Variants in ATP11A observed in about 807,000 individuals in gnomAD.
ATP11A encodes phospholipid-transporting ATPase IH.
ATP11A carries 81 observed loss-of-function variants against 154.4 expected under a neutral mutation model. The observed-to-expected ratio is 0.52, with a 90% CI of 0.44 to 0.63. The LOEUF (loss-of-function observed/expected upper bound fraction) is 0.63, where lower values mean the gene tolerates loss of function less well. ATP11A is among the 30% of genes least tolerant of loss of function. The pLI is 0.00. For missense variants in ATP11A, 1,316 were observed against 1,474.3 expected, an observed-to-expected ratio of 0.89 and a Z score of 1.76; for synonymous variants, 623 against 585.9, an observed-to-expected ratio of 1.06 and a Z score of -0.91.
At position 112,825,520 on chromosome 13, in the gene ATP11A, G is replaced by T; in HGVS notation, c.963G>T (p.Glu321Asp). The change falls in exon 11 of 30, where the codon GAG becomes GAT. Residue 321 changes from glutamate to aspartate, a missense_variant. Glu to Asp is a conservative substitution (Grantham distance 45, BLOSUM62 2). This residue lies in a region of ATP11A where 876 missense variants were observed against 1,006.8 expected (regional missense o/e 0.87). Transcript: ENST00000375645. ...NTVLKYMWQS[E>D]PFRDEPWYNQ... ...TGCTGAAATACATGTGGCAGAGTGA[G>T]CCCTTTCGGGATGAGCCGTGGTATA... The T allele has an allele frequency of 6.2e-7, 1 of 1,614,022 alleles. No individual in the cohort carries two copies. The highest frequency in any genetic ancestry group is 8.5e-7 in the Non-Finnish European group (1 of 1,179,896).
rs536515970 is a variant in ATP11A, at chr13:112,708,790, TC to T, written c.39+18336del. Among the ~76,000 whole-genome samples the T allele has an allele frequency of 1.3e-4, 20 of 152,306 alleles. 1 individual carries two copies. The South Asian group carries it at 4.1e-3, about 32-fold the overall frequency. On this transcript the variant is annotated intron_variant, in intron 1 of 29. Coordinates refer to ENST00000375645, the MANE Select transcript of ATP11A (RefSeq NM_015205.3). ...CTGCCCGACAAGCCTGTAGCTTTGGTCGTCTTCCAACGAGTGGCTCTCCCGC... is the reference window on the plus strand; with the variant it reads ...CTGCCCGACAAGCCTGTAGCTTTGGTGTCTTCCAACGAGTGGCTCTCCCGC...
intron 22 of ATP11A, chr13:112,858,544 C>T (rs918955537): frequency 5.1e-6 from 2 of 393,496 alleles, no homozygotes; most frequent in Non-Finnish European, 9.2e-6. Context: ...TAAACAGTTC[C>T]TCAGGTTTAA....
At chr13:112,858,334 ACG>A in intron 22 of ATP11A, 44 bp downstream of exon 22, 1 of 1,578,966 alleles carries the variant, frequency 6.3e-7, no homozygotes, top group Non-Finnish European at 8.6e-7. Flanking sequence ...GCAACAGGTC[ACG>A]CACAGGGTGG....
intron 17 of ATP11A, among the ~76,000 whole-genome samples, chr13:112,846,872 C>T (rs1246027571): frequency 1.3e-5 from 2 of 152,208 alleles, no homozygotes; most frequent in Admixed American, 1.3e-4. Context: ...GGGTGGTGCT[C>T]CCCAGACTGC....
At chr13:112,850,818 G>C (rs1049915522) in intron 17 of ATP11A, among the ~76,000 whole-genome samples, 30 of 152,104 alleles carry the variant, frequency 2.0e-4, no homozygotes, top group African/African-American at 6.8e-4. Flanking sequence ...ATTTAATGTA[G>C]ACTTAAATAA....
At position 112,859,312 on chromosome 13, in the gene ATP11A, T is replaced by C. The variant is rs986323535; in HGVS notation, c.2668-81T>C. The C allele has an allele frequency of 8.9e-7, 1 of 1,122,678 alleles. No homozygotes were observed. The highest frequency in any genetic ancestry group is 1.7e-5 in the Admixed American group (1 of 59,430). 69.5% of individuals were successfully genotyped at this position (1,122,678 alleles called of 1,614,324 possible). On this transcript the variant is annotated intron_variant, in intron 22 of 29. Transcript: ENST00000375645. This position sits in a 1 kb window ranked among gnomAD's most constrained non-coding sequence, Gnocchi z 4.3. ...GGGTGCACGTGGATCCCTCCTCCCA[T>C]GTGGGGTGGGCCACGTCGGTAGGTG...
At chr13:112,728,719 G>A (rs770711254) in intron 1 of ATP11A, among the ~76,000 whole-genome samples, 8 of 152,090 alleles carry the variant, frequency 5.3e-5, no homozygotes, top group Non-Finnish European at 8.8e-5. Flanking sequence ...TGCATGTACC[G>A]CCTTATTAGT....
At chr13:112,877,835 C>G (rs1202775226) in intron 28 of ATP11A, among the ~76,000 whole-genome samples, 1 of 152,212 alleles carries the variant, frequency 6.6e-6, no homozygotes, top group Non-Finnish European at 1.5e-5. Context: ...TGCTCTGCAA[C>G]TCATCTCCAG....
At chr13:112,873,525 TCA>T (rs1566601967) in intron 26 of ATP11A, 46 bp from the exon 27 acceptor site, 1 of 1,428,042 alleles carries the variant, frequency 7.0e-7, no homozygotes, top group African/African-American at 1.4e-5. Context: ...ACGATCATTC[TCA>T]CTGCTCAGAT....
At chr13:112,728,764 C>T (rs1046926894) in intron 1 of ATP11A, among the ~76,000 whole-genome samples, 8 of 152,138 alleles carry the variant, frequency 5.3e-5, no homozygotes, top group African/African-American at 1.2e-4. Context: ...ATTCTGTGAT[C>T]GCTTACCTCT....
intron 1 of ATP11A, among the ~76,000 whole-genome samples, chr13:112,743,538 CA>C (rs1891776115): frequency 6.6e-6 from 1 of 150,480 alleles, no homozygotes. Flanking sequence ...GTTCCTGCTA[CA>C]GTGTGATGAC....
At chr13:112,715,265 C>T (rs1182056635) in intron 1 of ATP11A, among the ~76,000 whole-genome samples, 5 of 152,148 alleles carry the variant, frequency 3.3e-5, no homozygotes, top group Non-Finnish European at 5.9e-5. Context: ...TTGTCACCTG[C>T]CTGCTTCTAC....
At chr13:112,770,987 TCGG>T (rs992000564) in intron 1 of ATP11A, among the ~76,000 whole-genome samples, 2 of 152,318 alleles carry the variant, frequency 1.3e-5, no homozygotes, top group Middle Eastern at 3.4e-3. Flanking sequence ...TTGAGGCCGG[TCGG>T]CTTGCTTCTG....
chr13:112,854,551 C>T, intron 19 of ATP11A, 21 bp downstream of exon 19: 1 of 1,594,262 alleles, frequency 6.3e-7, no homozygotes, highest in Non-Finnish European at 8.5e-7. Context: ...CGTCCCCGCC[C>T]CCACCCCCAC....
At chr13:112,706,854 CA>C (rs1887189780) in intron 1 of ATP11A, among the ~76,000 whole-genome samples, 1 of 152,338 alleles carries the variant, frequency 6.6e-6, no homozygotes, top group Admixed American at 6.5e-5. Context: ...TATTGGAATA[CA>C]CTCTTAAATC....
intron 22 of ATP11A, 49 bp downstream of exon 22, chr13:112,858,339 C>T: frequency 6.4e-7 from 1 of 1,561,582 alleles, no homozygotes; most frequent in Admixed American, 1.8e-5. Context: ...AGGTCACGCA[C>T]AGGGTGGCAC....
At chr13:112,736,917 C>T (rs929997012) in intron 1 of ATP11A, among the ~76,000 whole-genome samples, 8 of 152,012 alleles carry the variant, frequency 5.3e-5, no homozygotes, top group South Asian at 2.1e-4. Context: ...TCCAGGGCAG[C>T]GTTGGAAGGC....
chr13:112,778,662 G>T (rs1385967446), intron 1 of ATP11A, among the ~76,000 whole-genome samples: 1 of 149,022 alleles, frequency 6.7e-6, no homozygotes, highest in Non-Finnish European at 1.5e-5. Flanking sequence ...AGCCGCTGGA[G>T]TGAGGAGTAG....
chr13:112,871,806 T>A lies in ATP11A; in HGVS notation c.3057+6T>A. 1 of 1,613,790 alleles carries A rather than the reference T, an allele frequency of 6.2e-7. No individual in the cohort carries two copies. On this transcript the variant is annotated splice_donor_region_variant and intron_variant, in intron 26 of 29. Coordinates refer to ENST00000375645, the MANE Select transcript of ATP11A (RefSeq NM_015205.3). Reference sequence around the variant, plus strand: ...TGTTCACAGTTACACTAAAGGTAAGTGGTCTCGCGCTCACGTTCCTCCCCC... The same window carrying A: ...TGTTCACAGTTACACTAAAGGTAAGAGGTCTCGCGCTCACGTTCCTCCCCC...
Sources: gnomAD v4.1 joint callset for allele counts (sites outside exome capture counted in the v4.1 genomes callset) on GRCh38, gnomAD v4.1.1 for gene constraint, gnomAD v4.1.1 regional missense constraint, Gnocchi (gnomAD v3.1) non-coding constraint, MANE v1.5 for transcripts, NCBI Gene and HGNC (gene_info 2026-07-23, HGNC 2026-07-21) for gene names.